DAB1: variants seen among roughly 807,000 people sequenced by gnomAD.
DAB1 encodes the protein disabled homolog 1.
DAB1 carries 15 observed loss-of-function variants against 64.6 expected under a neutral mutation model. The observed-to-expected ratio is 0.23, with a 90% confidence interval of 0.16 to 0.36. The LOEUF (loss-of-function observed/expected upper bound fraction) is 0.36. DAB1 is among the 10% of genes least tolerant of loss of function. DAB1 has a pLI of 1.00. For missense variants in DAB1, 596 were observed against 706.7 expected, an observed-to-expected ratio of 0.84 and a Z score of 1.78; for synonymous variants, 235 against 251.9, an observed-to-expected ratio of 0.93 and a Z score of 0.64.
chr1:58,358,652 A>G (rs1644133415), intron 3 of DAB1, among the ~76,000 whole-genome samples: 1 of 152,202 alleles, frequency 6.6e-6, no homozygotes, highest in African/African-American at 2.4e-5. Context: ...GTGATAAAAG[A>G]CAGGGCTTTG....
intron 1 of DAB1, among the ~76,000 whole-genome samples, chr1:57,854,007 T>C (rs1430764247): frequency 6.6e-6 from 1 of 152,166 alleles, no homozygotes; most frequent in Non-Finnish European, 1.5e-5. Context: ...ATTCAACACA[T>C]ATATAGAGTA....
chr1:57,381,759 T>C (rs1681396633), intron 1 of DAB1, among the ~76,000 whole-genome samples: 1 of 152,194 alleles, frequency 6.6e-6, no homozygotes, highest in East Asian at 1.9e-4. Flanking sequence ...AGAATATGAC[T>C]TTATAGGTTC....
intron 5 of DAB1, among the ~76,000 whole-genome samples, chr1:58,010,445 C>T (rs1470097047): frequency 6.6e-6 from 1 of 152,158 alleles, no homozygotes; most frequent in Non-Finnish European, 1.5e-5. Context: ...TGGAAGAACA[C>T]ACACATAAAA....
At chr1:57,377,225 A>G (rs1680970934) in intron 1 of DAB1, among the ~76,000 whole-genome samples, 1 of 151,688 alleles carries the variant, frequency 6.6e-6, no homozygotes, top group Admixed American at 6.6e-5. Flanking sequence ...AGCCTAGATC[A>G]TGCCACTGCA....
intron 7 of DAB1, among the ~76,000 whole-genome samples, chr1:57,515,497 C>T (rs941301772): frequency 4.6e-5 from 7 of 152,276 alleles, no homozygotes; most frequent in Non-Finnish European, 7.4e-5. Context: ...AGAATATGGT[C>T]GCTGTTCAAA....
At chr1:57,136,960 T>C (rs1251897350) in intron 3 of DAB1, among the ~76,000 whole-genome samples, 1 of 152,206 alleles carries the variant, frequency 6.6e-6, no homozygotes, top group Non-Finnish European at 1.5e-5. Context: ...ATGGTTTTCA[T>C]ATTAATGTCT....
chr1:57,725,956 G>A (rs1170311147), intron 6 of DAB1, among the ~76,000 whole-genome samples: 1 of 152,102 alleles, frequency 6.6e-6, no homozygotes, highest in Non-Finnish European at 1.5e-5. Context: ...GTTTCACCAT[G>A]TTGCCCAGGC....
At chr1:57,318,264 C>T (rs1293688029) in intron 1 of DAB1, among the ~76,000 whole-genome samples, 1 of 151,698 alleles carries the variant, frequency 6.6e-6, no homozygotes, top group Non-Finnish European at 1.5e-5. Flanking sequence ...AGCTCCAAAC[C>T]AACCACACAA....
intron 3 of DAB1, among the ~76,000 whole-genome samples, chr1:58,349,268 T>C (rs1433536271): frequency 6.6e-6 from 1 of 152,148 alleles, no homozygotes; most frequent in Admixed American, 6.6e-5. Context: ...CCTGAGATAC[T>C]GAAGTACCTG....
chr1:58,265,268 C>T (rs1263193578), intron 4 of DAB1, among the ~76,000 whole-genome samples: 1 of 152,216 alleles, frequency 6.6e-6, no homozygotes, highest in African/African-American at 2.4e-5. Context: ...CTGCAGACCA[C>T]AGATTCAATC....
intron 4 of DAB1, among the ~76,000 whole-genome samples, chr1:58,300,646 G>GAGAAAGGAAGGAAGGAAGGA (rs1662140791): frequency 1.7e-5 from 1 of 57,292 alleles, no homozygotes. Context: ...GAGAGAGAGA[G>GAGAAAGGAAGGAAGGAAGGA]AGGAAGGAAG....
intron 1 of DAB1, among the ~76,000 whole-genome samples, chr1:57,337,542 C>T (rs1311562902): frequency 3.3e-5 from 5 of 152,170 alleles, no homozygotes; most frequent in African/African-American, 1.2e-4. Context: ...ACTCTCTGTA[C>T]TCTCAGTGTC....
chr1:58,499,793 A>G (rs966859119), intron 3 of DAB1, among the ~76,000 whole-genome samples: 6 of 152,024 alleles, frequency 3.9e-5, no homozygotes, highest in Non-Finnish European at 8.8e-5. Flanking sequence ...AGTTAAAGTA[A>G]ATAAAAAATA....
At chr1:57,873,628 G>A (rs1415345734) in intron 1 of DAB1, among the ~76,000 whole-genome samples, 1 of 152,148 alleles carries the variant, frequency 6.6e-6, no homozygotes, top group East Asian at 1.9e-4. Context: ...CCAATGTATA[G>A]CAAAGGGTTG....
chr1:58,170,719 T>G (rs1213758), intron 4 of DAB1, among the ~76,000 whole-genome samples: 86,149 of 151,902 alleles, frequency 0.57, 27,790 homozygotes, highest in East Asian at 0.86. Context: ...CGAGAAACAA[T>G]CTGCCCCCTC....
intron 3 of DAB1, among the ~76,000 whole-genome samples, chr1:58,380,545 C>T (rs531738224): frequency 3.3e-5 from 5 of 152,326 alleles, no homozygotes; most frequent in African/African-American, 7.2e-5. Context: ...GCTGGAGGCA[C>T]ATATTTGCAT....
chr1:57,701,093 T>C (rs1486983320), intron 6 of DAB1, among the ~76,000 whole-genome samples: 1 of 152,006 alleles, frequency 6.6e-6, no homozygotes, highest in Non-Finnish European at 1.5e-5. Flanking sequence ...GGAACACTTT[T>C]ACACTGTTGG....
intron 6 of DAB1, among the ~76,000 whole-genome samples, chr1:57,677,740 T>C (rs986136801): frequency 6.6e-5 from 10 of 152,190 alleles, no homozygotes; most frequent in Non-Finnish European, 1.3e-4. Context: ...ATCCTTTGGG[T>C]TGGGAAGGGT....
intron 7 of DAB1, among the ~76,000 whole-genome samples, chr1:57,645,943 T>C (rs1222608560): frequency 3.3e-5 from 5 of 151,830 alleles, no homozygotes; most frequent in Admixed American, 3.3e-4. Flanking sequence ...TGTGATTCTA[T>C]AAGAATGAAG....
Sources: allele counts gnomAD v4.1 joint callset (sites outside exome capture counted in the v4.1 genomes callset), GRCh38; gene constraint gnomAD v4.1.1; transcripts MANE v1.5; gene names NCBI Gene and HGNC (gene_info 2026-07-23, HGNC 2026-07-21).